The following SND1 variants were observed in gnomAD, a reference collection of about 807,000 sequenced individuals.
The protein encoded by SND1 is staphylococcal nuclease and tudor domain containing 1, also known as staphylococcal nuclease domain-containing protein 1.
Under a neutral mutation model 121.7 loss-of-function variants are expected in SND1, and 38 were observed. The observed-to-expected ratio is 0.31, with a 90% CI of 0.24 to 0.41. The LOEUF (loss-of-function observed/expected upper bound fraction) is 0.41, where lower values mean the gene tolerates loss of function less well. SND1 is among the 10% of genes least tolerant of loss of function. SND1 has a pLI of 1.00. For missense variants in SND1, 868 were observed against 1,184.6 expected, an observed-to-expected ratio of 0.73 and a Z score of 3.92; for synonymous variants, 401 against 447.4, an observed-to-expected ratio of 0.90 and a Z score of 1.31.
intron 12 of SND1, among the ~76,000 whole-genome samples, chr7:127,871,800 C>T (rs759806602): frequency 9.9e-5 from 15 of 152,070 alleles, no homozygotes; most frequent in Non-Finnish European, 1.8e-4. Context: ...ATTGAACATG[C>T]ACTACGTGAC....
rs186886508 is a variant in SND1 at position 127,737,647 on chromosome 7, C to T, written c.1152+16247C>T. Among the ~76,000 whole-genome samples, 77 of 152,244 alleles carry T rather than the reference C, an allele frequency of 5.1e-4. 1 individual carries two copies. The highest frequency in any genetic ancestry group is 1.8e-3 in the African/African-American group (73 of 41,518). ...GAGATCTCTACAGGTTTAGTATCCC[C>T]TGTCTAAAGTGGTTGGGACCAGAAG... On this transcript the variant is annotated intron_variant, in intron 10 of 23. Transcript: ENST00000354725.
At chr7:127,674,822 G>T (rs1795588079) in intron 1 of SND1, among the ~76,000 whole-genome samples, 1 of 152,070 alleles carries the variant, frequency 6.6e-6, no homozygotes, top group Non-Finnish European at 1.5e-5. Context: ...AATTTAATGT[G>T]CTTTTCGTAT....
chr7:127,665,403 A>G (rs979472135), intron 1 of SND1, among the ~76,000 whole-genome samples: 9 of 151,990 alleles, frequency 5.9e-5, no homozygotes, highest in Admixed American at 2.6e-4. Flanking sequence ...TAGCCAGGAT[A>G]GTGTCAATCT....
intron 12 of SND1, among the ~76,000 whole-genome samples, chr7:127,872,012 A>C (rs1040940304): frequency 2.6e-5 from 4 of 152,134 alleles, no homozygotes; most frequent in Non-Finnish European, 4.4e-5. Flanking sequence ...GCACGCCTGT[A>C]GTCTAATTCA....
At chr7:127,952,676 TAAC>T (rs1317821036) in intron 15 of SND1, among the ~76,000 whole-genome samples, 13 of 152,146 alleles carry the variant, frequency 8.5e-5, no homozygotes, top group Admixed American at 8.5e-4. Context: ...ACATGACAGT[TAAC>T]AACAATCTAG....
At chr7:127,823,427 T>C (rs1378560835) in intron 11 of SND1, among the ~76,000 whole-genome samples, 1 of 152,092 alleles carries the variant, frequency 6.6e-6, no homozygotes, top group Non-Finnish European at 1.5e-5. Context: ...TCTTGACACA[T>C]TTTTCACAAC....
At chr7:127,696,003 A>T (rs960321684) in intron 3 of SND1, among the ~76,000 whole-genome samples, 3 of 152,132 alleles carry the variant, frequency 2.0e-5, no homozygotes, top group African/African-American at 4.8e-5. Context: ...TTGAAAGAGG[A>T]ATTGGTAGGA....
intron 16 of SND1, among the ~76,000 whole-genome samples, chr7:128,059,104 A>G (rs73721291): frequency 0.019 from 2,927 of 152,154 alleles, 105 homozygotes; most frequent in African/African-American, 0.067. Context: ...CTTATGCACT[A>G]TTTCTAAAGT....
chr7:127,952,270 G>T (rs976719582), intron 15 of SND1, among the ~76,000 whole-genome samples: 1 of 152,168 alleles, frequency 6.6e-6, no homozygotes, highest in Non-Finnish European at 1.5e-5. Flanking sequence ...ATTTCTGTGG[G>T]ATATCATTTC....
chr7:127,848,746 G>T (rs558714739), intron 12 of SND1, among the ~76,000 whole-genome samples: 1 of 152,164 alleles, frequency 6.6e-6, no homozygotes, highest in Non-Finnish European at 1.5e-5. Flanking sequence ...AGATGAGATG[G>T]TGTCTCTTAA....
chr7:127,866,224 G>T (rs1185820933), intron 12 of SND1, among the ~76,000 whole-genome samples: 1 of 152,194 alleles, frequency 6.6e-6, no homozygotes, highest in African/African-American at 2.4e-5. Context: ...AGCTGTCCAG[G>T]TTGATTGGAC....
intron 10 of SND1, among the ~76,000 whole-genome samples, chr7:127,794,421 T>C (rs1016253794): frequency 2.6e-5 from 4 of 152,238 alleles, no homozygotes; most frequent in African/African-American, 4.8e-5. Flanking sequence ...TGGCACCAGC[T>C]AAATAATGGT....
chr7:127,832,747 C>T (rs960473449), intron 11 of SND1, among the ~76,000 whole-genome samples: 2 of 152,160 alleles, frequency 1.3e-5, no homozygotes, highest in African/African-American at 2.4e-5. Flanking sequence ...GACTGCGGAC[C>T]GGTACTGGTC....
chr7:127,790,023 ATTGTTTGT>A (rs923372396), intron 10 of SND1, among the ~76,000 whole-genome samples: 3 of 152,038 alleles, frequency 2.0e-5, no homozygotes, highest in African/African-American at 4.8e-5. Context: ...GTGGTTCTGA[ATTGTTTGT>A]TTGTTTGTTT....
At chr7:127,777,472 C>T (rs1042770726) in intron 10 of SND1, among the ~76,000 whole-genome samples, 27 of 152,272 alleles carry the variant, frequency 1.8e-4, no homozygotes, top group East Asian at 7.7e-4. Flanking sequence ...AGACTTCCGT[C>T]TTAATTGGAT....
At chr7:127,796,460 T>G (rs1042347087) in intron 10 of SND1, among the ~76,000 whole-genome samples, 4 of 152,222 alleles carry the variant, frequency 2.6e-5, no homozygotes, top group Non-Finnish European at 5.9e-5. Flanking sequence ...TGTGGCACTA[T>G]GCTGGGCACT....
intron 17 of SND1, among the ~76,000 whole-genome samples, chr7:128,078,350 AAC>A: frequency 6.6e-6 from 1 of 152,214 alleles, no homozygotes; most frequent in East Asian, 1.9e-4. Context: ...CTCTCCTAGA[AAC>A]ACAGTTCCTT....
intron 15 of SND1, among the ~76,000 whole-genome samples, chr7:127,969,643 G>T (rs1563074152): frequency 1.3e-5 from 2 of 152,182 alleles, no homozygotes; most frequent in Admixed American, 6.5e-5. Flanking sequence ...CAGGAGAATA[G>T]TGTGAACCCG....
intron 10 of SND1, among the ~76,000 whole-genome samples, chr7:127,788,660 C>T (rs752988534): frequency 6.6e-6 from 1 of 152,184 alleles, no homozygotes; most frequent in Non-Finnish European, 1.5e-5. Context: ...ATGTTTTGGT[C>T]TTCAGAAATC....
Sources: allele counts gnomAD v4.1 joint callset (sites outside exome capture counted in the v4.1 genomes callset), GRCh38; gene constraint gnomAD v4.1.1; transcripts MANE v1.5; gene names NCBI Gene and HGNC (gene_info 2026-07-23, HGNC 2026-07-21).